RBFOX1: variants seen among roughly 807,000 people sequenced by gnomAD.
RBFOX1 encodes the protein RNA binding fox-1 homolog 1.
In RBFOX1, 8 loss-of-function variants were observed where a neutral mutation model predicts 57.7. That is an observed-to-expected ratio of 0.14 (90% confidence interval 0.08 to 0.25). The LOEUF is 0.25. RBFOX1 is among the 10% of genes least tolerant of loss of function. The probability of loss-of-function intolerance (pLI) is 1.00; values close to 1 mark genes in which losing one functional copy is unlikely to be tolerated. For missense variants in RBFOX1, 611 were observed against 548.5 expected (o/e 1.11, Z -1.14); for synonymous variants, 326 against 222.4 (o/e 1.47, Z -4.15).
intron 1 of RBFOX1, among the ~76,000 whole-genome samples, chr16:6,108,117 C>A (rs1443304252): frequency 6.6e-6 from 1 of 152,078 alleles, no homozygotes; most frequent in Non-Finnish European, 1.5e-5. Flanking sequence ...ACATGTATTA[C>A]TTCTTAAAAA....
intron 1 of RBFOX1, among the ~76,000 whole-genome samples, chr16:6,193,996 C>T (rs1567653012): frequency 6.6e-6 from 1 of 152,346 alleles, no homozygotes; most frequent in African/African-American, 2.4e-5. Flanking sequence ...ATTCACACAA[C>T]ATGCCTCTAA....
At chr16:5,611,904 G>A (rs953640598) in intron 3 of RBFOX1, among the ~76,000 whole-genome samples, 4 of 150,834 alleles carry the variant, frequency 2.7e-5, no homozygotes, top group African/African-American at 9.8e-5. Flanking sequence ...AAGGGAGGAG[G>A]ATCACTTGAG....
At chr16:5,856,183 CTCTCTATA>C (rs1435457691) in intron 3 of RBFOX1, among the ~76,000 whole-genome samples, 3 of 45,894 alleles carry the variant, frequency 6.5e-5, no homozygotes, top group Non-Finnish European at 1.1e-4. Flanking sequence ...CTCTCTCTCT[CTCTCTATA>C]TATATATATA....
intron 3 of RBFOX1, among the ~76,000 whole-genome samples, chr16:5,828,429 C>G (rs941407711): frequency 6.6e-6 from 1 of 152,066 alleles, no homozygotes; most frequent in African/African-American, 2.4e-5. Flanking sequence ...ATGCAACCAC[C>G]GGGCTCACGC....
chr16:5,866,220 C>T (rs958754731), intron 3 of RBFOX1, among the ~76,000 whole-genome samples: 7 of 152,132 alleles, frequency 4.6e-5, no homozygotes, highest in East Asian at 3.9e-4. Context: ...CCACCTATCT[C>T]GGCCTCCCAA....
intron 3 of RBFOX1, among the ~76,000 whole-genome samples, chr16:6,844,506 T>C (rs982318770): frequency 1.2e-4 from 19 of 152,192 alleles, no homozygotes; most frequent in African/African-American, 4.6e-4. Flanking sequence ...CTGCAGAAGA[T>C]ATGACCTTAT....
chr16:6,779,935 A>T (rs1449118850), intron 3 of RBFOX1, among the ~76,000 whole-genome samples: 1 of 31,794 alleles, frequency 3.1e-5, no homozygotes, highest in African/African-American at 1.4e-4. Flanking sequence ...ATTTATATAT[A>T]TTTATATATA....
chr16:7,170,344 C>T (rs1470393147), intron 4 of RBFOX1, among the ~76,000 whole-genome samples: 1 of 152,072 alleles, frequency 6.6e-6, no homozygotes, highest in Non-Finnish European at 1.5e-5. Context: ...GCAGTCACAG[C>T]TCACTGCCGC....
rs185678166 is a variant in RBFOX1 at position 6,863,181 on chromosome 16, T to G, written c.-15-188876T>G. On this transcript the variant is annotated intron_variant, in intron 3 of 15. Transcript: ENST00000550418. ...GTCTAGGTGAAAAAACAGGAGGGCT[T>G]GCCTGAATTACTTTTTGGAATAGAG... Among the ~76,000 whole-genome samples the G allele has an allele frequency of 3.3e-5, 5 of 152,182 alleles. No homozygotes were observed. The East Asian group carries it at 9.7e-4, about 29-fold the overall frequency.
chr16:5,783,421 G>A (rs2054392457), intron 3 of RBFOX1, among the ~76,000 whole-genome samples: 1 of 151,908 alleles, frequency 6.6e-6, no homozygotes, highest in African/African-American at 2.4e-5. Flanking sequence ...GGGTTATATG[G>A]TGTATATAGA....
chr16:6,871,657 C>G (rs546206445), intron 3 of RBFOX1, among the ~76,000 whole-genome samples: 2 of 150,478 alleles, frequency 1.3e-5, no homozygotes, highest in African/African-American at 4.9e-5. Flanking sequence ...GTCAACACTT[C>G]TAAACTGGCC....
intron 3 of RBFOX1, among the ~76,000 whole-genome samples, chr16:5,750,661 T>C (rs565692827): frequency 4.6e-5 from 7 of 152,344 alleles, no homozygotes; most frequent in African/African-American, 1.2e-4. Context: ...TGGGACCCTC[T>C]GAGCCAGGCA....
chr16:6,947,712 C>G (rs985950554), intron 3 of RBFOX1, among the ~76,000 whole-genome samples: 14 of 152,200 alleles, frequency 9.2e-5, no homozygotes, highest in African/African-American at 2.2e-4. Context: ...TTGCTGAAAT[C>G]TATTTATAAA....
At chr16:6,370,897 A>G (rs576481608) in intron 2 of RBFOX1, among the ~76,000 whole-genome samples, 4 of 152,352 alleles carry the variant, frequency 2.6e-5, no homozygotes, top group Admixed American at 1.3e-4. Context: ...TGTAAATATA[A>G]TGTCAATTAA....
chr16:6,609,348 T>G (rs1317530388), intron 2 of RBFOX1, among the ~76,000 whole-genome samples: 1 of 152,146 alleles, frequency 6.6e-6, no homozygotes, highest in Non-Finnish European at 1.5e-5. Context: ...TTTCTCTTTT[T>G]TATTTTTATT....
chr16:7,474,497 T>G (rs987591496), intron 4 of RBFOX1, among the ~76,000 whole-genome samples: 2 of 152,218 alleles, frequency 1.3e-5, no homozygotes, highest in African/African-American at 4.8e-5. Context: ...GTGACCCCAG[T>G]GACCTGGTGA....
rs946635786 is a variant in RBFOX1, at chr16:5,438,096, C to T, written c.220-29120C>T. On this transcript the variant is annotated intron_variant, in intron 1 of 2. Coordinates refer to the RBFOX1 transcript ENST00000585867. ...CCATTGTTCATCTATAACATTGGCA[C>T]ATTTGTAGTTTGAACACAACATTGT... 8.5e-5 allele frequency among the ~76,000 whole-genome samples: 13 copies of T among 152,268 alleles called. No homozygotes were observed. In the East Asian group the frequency reaches 1.7e-3, roughly 20 times the overall value.
At chr16:6,729,115 C>G (rs1395502464) in intron 3 of RBFOX1, among the ~76,000 whole-genome samples, 1 of 152,080 alleles carries the variant, frequency 6.6e-6, no homozygotes, top group Non-Finnish European at 1.5e-5. Context: ...AGATACTAAA[C>G]TAAGGAGTTT....
chr16:6,553,596 G>A (rs1487755498), intron 2 of RBFOX1, among the ~76,000 whole-genome samples: 2 of 152,160 alleles, frequency 1.3e-5, no homozygotes, highest in Non-Finnish European at 1.5e-5. Context: ...CTACTCACAA[G>A]TTGCCATGGA....
Sources: gnomAD v4.1 joint callset for allele counts (sites outside exome capture counted in the v4.1 genomes callset) on GRCh38, gnomAD v4.1.1 for gene constraint, MANE v1.5 for transcripts, NCBI Gene and HGNC (gene_info 2026-07-23, HGNC 2026-07-21) for gene names.